The following TMEM38B variants were observed in gnomAD, a reference collection of about 807,000 sequenced individuals.
TMEM38B encodes the protein transmembrane protein 38B, also known as trimeric intracellular cation channel type B.
TMEM38B carries 24 observed loss-of-function variants against 28.7 expected under a neutral mutation model. The observed-to-expected ratio is 0.84, with a 90% CI of 0.61 to 1.18. TMEM38B has a LOEUF of 1.18. Ranked by LOEUF, TMEM38B falls within the 50% of genes most tolerant of loss-of-function variation. The pLI is 0.00. For missense variants in TMEM38B, 380 were observed against 350.9 expected (o/e 1.08, Z -0.66); for synonymous variants, 131 against 127.7 (o/e 1.03, Z -0.17).
At chr9:105,773,452 A>G (rs570596268) in intron 5 of TMEM38B, among the ~76,000 whole-genome samples, 1 of 152,238 alleles carries the variant, frequency 6.6e-6, no homozygotes, top group South Asian at 2.1e-4. Context: ...AACCTCTCAG[A>G]GCCTTGGTTC....
chr9:105,707,170 G>A (rs552817986), intron 2 of TMEM38B, among the ~76,000 whole-genome samples: 16 of 152,086 alleles, frequency 1.1e-4, no homozygotes, highest in Non-Finnish European at 2.4e-4. Flanking sequence ...ACTGATACAC[G>A]CAGATATACA....
chr9:105,756,605 A>G (rs1837840222), intron 5 of TMEM38B, among the ~76,000 whole-genome samples: 1 of 152,164 alleles, frequency 6.6e-6, no homozygotes, highest in Non-Finnish European at 1.5e-5. Context: ...TTTTGTTCAT[A>G]GTCTAATTTG....
intron 2 of TMEM38B, among the ~76,000 whole-genome samples, chr9:105,720,734 G>T (rs79723714): frequency 0.037 from 5,647 of 152,146 alleles, 159 homozygotes; most frequent in Non-Finnish European, 0.058. Flanking sequence ...TACCCCGTTA[G>T]AAAGAAGATA....
At chr9:105,763,399 G>A (rs1344114548) in intron 5 of TMEM38B, among the ~76,000 whole-genome samples, 3 of 151,916 alleles carry the variant, frequency 2.0e-5, no homozygotes, top group Admixed American at 6.6e-5. Context: ...TAGGTCTAAC[G>A]TTTAGCACCA....
At chr9:105,736,172 A>T (rs1237123841) in intron 4 of TMEM38B, among the ~76,000 whole-genome samples, 1 of 151,148 alleles carries the variant, frequency 6.6e-6, no homozygotes, top group Non-Finnish European at 1.5e-5. Context: ...TTACATGTGG[A>T]TTATTTTATT....
intron 5 of TMEM38B, chr9:105,759,551 C>A: frequency 1.3e-6 from 2 of 1,555,910 alleles, no homozygotes; most frequent in African/African-American, 1.4e-5. Flanking sequence ...CATGATCTGT[C>A]CTCTAATAGC....
At chr9:105,710,374 A>T in intron 2 of TMEM38B, 1 of 795,054 alleles carries the variant, frequency 1.3e-6, no homozygotes, top group Non-Finnish European at 2.1e-6. Flanking sequence ...TATAGTTGTT[A>T]TGAAAAGACT....
chr9:105,711,238 C>T (rs755717828), intron 2 of TMEM38B, among the ~76,000 whole-genome samples: 4 of 150,188 alleles, frequency 2.7e-5, no homozygotes, highest in East Asian at 2.0e-4. Flanking sequence ...GTCAGGAGTT[C>T]GAAACCAGCC....
intron 5 of TMEM38B, among the ~76,000 whole-genome samples, chr9:105,761,323 T>G (rs1838040108): frequency 6.6e-6 from 1 of 152,176 alleles, no homozygotes; most frequent in African/African-American, 2.4e-5. Flanking sequence ...GATTTGGTTT[T>G]GCCTTAAATA....
intron 4 of TMEM38B, among the ~76,000 whole-genome samples, chr9:105,738,199 G>A (rs1434475534): frequency 1.3e-5 from 2 of 151,970 alleles, no homozygotes; most frequent in Non-Finnish European, 2.9e-5. Flanking sequence ...TCCCTCAGCT[G>A]GGCTCAGTAC....
chr9:105,720,092 G>A (rs1836267144), intron 2 of TMEM38B, among the ~76,000 whole-genome samples: 1 of 151,960 alleles, frequency 6.6e-6, no homozygotes, highest in South Asian at 2.1e-4. Context: ...CAATTTTAAA[G>A]CCATACAAAT....
rs1367053837 is a variant in TMEM38B, at chr9:105,694,641, T to C, written c.-20T>C. 1.9e-6 allele frequency: 3 copies of C among 1,602,888 alleles called. No individual in the cohort carries two copies. The Admixed American group carries it at 5.0e-5, about 27-fold the overall frequency. The stretch of plus-strand genomic sequence containing the variant: ...AACCAGTAGCCGCGGCTGCTTCGGT[T>C]GCCGCGGTCGGTGGTCGTTATGGAT... On this transcript the variant is annotated 5_prime_UTR_variant, in exon 1 of 6. Coordinates refer to ENST00000374692, the MANE Select transcript of TMEM38B (RefSeq NM_018112.3).
At chr9:105,737,235 G>A (rs1204989687) in intron 4 of TMEM38B, among the ~76,000 whole-genome samples, 1 of 152,194 alleles carries the variant, frequency 6.6e-6, no homozygotes, top group East Asian at 1.9e-4. Flanking sequence ...ACAGCAGTTT[G>A]TTCCCATGGG....
chr9:105,706,682 CTT>C (rs1835682115), intron 2 of TMEM38B, among the ~76,000 whole-genome samples: 1 of 151,642 alleles, frequency 6.6e-6, no homozygotes, highest in East Asian at 1.9e-4. Context: ...AGGAATTTGT[CTT>C]TCTCTCTCTT....
chr9:105,732,471 G>T (rs1426004856), intron 4 of TMEM38B, among the ~76,000 whole-genome samples: 2 of 152,140 alleles, frequency 1.3e-5, no homozygotes, highest in East Asian at 3.9e-4. Context: ...AATCCATCTT[G>T]AATTAATTTT....
intron 5 of TMEM38B, among the ~76,000 whole-genome samples, chr9:105,761,989 G>A (rs1838069771): frequency 6.6e-6 from 1 of 151,962 alleles, no homozygotes; most frequent in South Asian, 2.1e-4. Flanking sequence ...CTGCTTGATC[G>A]ACTTGGTACA....
chr9:105,750,386 A>C (rs1837603295), intron 5 of TMEM38B, among the ~76,000 whole-genome samples: 1 of 152,032 alleles, frequency 6.6e-6, no homozygotes, highest in African/African-American at 2.4e-5. Flanking sequence ...CACTTTGGGA[A>C]GCTGAGGTGG....
chr9:105,694,917 A>C (rs1835229644), intron 1 of TMEM38B, 145 bp downstream of exon 1: 1 of 692,964 alleles, frequency 1.4e-6, no homozygotes, highest in Admixed American at 2.5e-5. Flanking sequence ...AGGGGCGCCA[A>C]GGGCCGGTTG....
chr9:105,706,586 G>A (rs998484747), intron 2 of TMEM38B, among the ~76,000 whole-genome samples: 15 of 152,168 alleles, frequency 9.9e-5, no homozygotes, highest in African/African-American at 3.4e-4. Flanking sequence ...TTTTAGCTGT[G>A]TCAAAAGAAA....
Sources: gnomAD v4.1 joint callset for allele counts (sites outside exome capture counted in the v4.1 genomes callset) on GRCh38, gnomAD v4.1.1 for gene constraint, MANE v1.5 for transcripts, NCBI Gene and HGNC (gene_info 2026-07-23, HGNC 2026-07-21) for gene names.